The following TMEM63C variants were observed in gnomAD, a reference collection of about 807,000 sequenced individuals.
The protein encoded by TMEM63C is osmosensitive cation channel TMEM63C.
TMEM63C carries 32 observed loss-of-function variants against 99.2 expected under a neutral mutation model. The ratio of observed to expected loss-of-function variants is 0.32; its 90% CI spans 0.24 to 0.43. The LOEUF is 0.43. Ranked by LOEUF, TMEM63C falls within the 20% of genes least tolerant of loss-of-function variation. The pLI, the probability that TMEM63C is intolerant of heterozygous loss-of-function variation, is 1.00. For missense variants in TMEM63C, 826 were observed against 1,053.0 expected (o/e 0.78, Z 2.98); for synonymous variants, 376 against 397.9 (o/e 0.94, Z 0.66).
intron 5 of TMEM63C, among the ~76,000 whole-genome samples, chr14:77,225,006 T>C (rs1435446769): frequency 1.3e-5 from 2 of 152,132 alleles, no homozygotes; most frequent in African/African-American, 4.8e-5. Context: ...TTGGGTAAAG[T>C]TCCCATTGGC....
At position 77,202,855 on chromosome 14, in the gene TMEM63C, ACACACACACACG is replaced by A. The variant is rs1255547750; in HGVS notation, c.-76-10581_-76-10570del. Among the ~76,000 whole-genome samples the A allele has an allele frequency of 1.3e-3, 95 of 73,782 alleles. No homozygotes were observed. In the East Asian group the frequency reaches 0.015, roughly 11 times the overall value. The allele number at this position is 73,782 out of a possible 152,430, so 48.4% of individuals were successfully genotyped here. The stretch of plus-strand genomic sequence containing the variant: ...CACACACACACACACACACACACAC[ACACACACACACG>A]CACACACACCCCTCTACCTGGCACA... On this transcript the variant is annotated intron_variant, in intron 1 of 23. Transcript: ENST00000298351.
At position 77,249,497 on chromosome 14, in the gene TMEM63C, GCCCCACTGTTCTGTGAGTCCCTTAA is replaced by G. The variant is rs745515698; in HGVS notation, c.2038+41_2038+65del. The G allele has an allele frequency of 3.7e-6, 6 of 1,605,832 alleles. No homozygotes were observed. The South Asian group carries it at 5.5e-5, about 15-fold the overall frequency. On this transcript the variant is annotated intron_variant, in intron 21 of 23. Transcript: ENST00000298351. The stretch of plus-strand genomic sequence containing the variant: ...CAGCCTGGAGACCCCACCTCCACCT[GCCCCACTGTTCTGTGAGTCCCTTAA>G]CACTGACCCTGTTAGAGGAGAAAAG...
chr14:77,184,524 T>G (rs1006493832), intron 1 of TMEM63C, among the ~76,000 whole-genome samples: 6 of 152,138 alleles, frequency 3.9e-5, no homozygotes, highest in Non-Finnish European at 5.9e-5. Context: ...GGGAGCTGTT[T>G]GCACAGAGCG....
At chr14:77,219,474 C>T in intron 3 of TMEM63C, 24 bp from the exon 4 acceptor site, 1 of 1,613,366 alleles carries the variant, frequency 6.2e-7, no homozygotes, top group Non-Finnish European at 8.5e-7. Flanking sequence ...TCTCCCACCC[C>T]ACATTGCTTT....
intron 1 of TMEM63C, among the ~76,000 whole-genome samples, chr14:77,186,795 GTGTGTC>G (rs1318775009): frequency 8.2e-5 from 10 of 121,778 alleles, no homozygotes; most frequent in African/African-American, 2.4e-4. Context: ...GTGTGTGTGT[GTGTGTC>G]TGTGTGTGTG....
chr14:77,207,208 G>T (rs1191149105), intron 1 of TMEM63C, among the ~76,000 whole-genome samples: 1 of 152,250 alleles, frequency 6.6e-6, no homozygotes, highest in African/African-American at 2.4e-5. Context: ...ATCTCTGTGG[G>T]GGTCCCAGAG....
chr14:77,186,080 C>T (rs904048985), intron 1 of TMEM63C, among the ~76,000 whole-genome samples: 1 of 151,980 alleles, frequency 6.6e-6, no homozygotes, highest in African/African-American at 2.4e-5. Context: ...GGCACTATCT[C>T]GGCTCACTGC....
At chr14:77,256,263 G>T (rs1889459585) in intron 23 of TMEM63C, among the ~76,000 whole-genome samples, 1 of 152,214 alleles carries the variant, frequency 6.6e-6, no homozygotes, top group African/African-American at 2.4e-5. Context: ...GAGAGTGAAT[G>T]GGACATGTTC....
chr14:77,217,328 T>C (rs1888607651), intron 2 of TMEM63C, among the ~76,000 whole-genome samples: 1 of 152,196 alleles, frequency 6.6e-6, no homozygotes, highest in South Asian at 2.1e-4. Flanking sequence ...CCTCAAGTCC[T>C]TGCTCAGATG....
intron 6 of TMEM63C, among the ~76,000 whole-genome samples, chr14:77,225,799 C>T (rs1192630701): frequency 2.0e-5 from 3 of 152,124 alleles, no homozygotes; most frequent in Admixed American, 1.3e-4. Context: ...TGCTTGATTT[C>T]TGTGAACATC....
At chr14:77,211,005 A>T (rs1888487200) in intron 1 of TMEM63C, among the ~76,000 whole-genome samples, 1 of 152,176 alleles carries the variant, frequency 6.6e-6, no homozygotes, top group Non-Finnish European at 1.5e-5. Flanking sequence ...CTGAGAACTC[A>T]TGGGGATGGT....
intron 1 of TMEM63C, among the ~76,000 whole-genome samples, chr14:77,191,520 C>CCTTTCTT (rs1280709497): frequency 8.4e-6 from 1 of 118,438 alleles, no homozygotes; most frequent in Admixed American, 8.9e-5. Context: ...TCTTTTCTTT[C>CCTTTCTT]TTTTCTTTTT....
Position 77,219,521 on chromosome 14 carries a change from C to T in TMEM63C, c.174C>T (p.Phe58=), listed in dbSNP as rs761923268. 50 of 1,613,866 alleles carry T rather than the reference C, an allele frequency of 3.1e-5. No individual in the cohort carries two copies. The highest frequency in any genetic ancestry group is 4.1e-5 in the Non-Finnish European group (48 of 1,179,900). Residue 58 remains phenylalanine, a synonymous_variant, in exon 4 of 24, where the codon TTC becomes TTT. Coordinates refer to ENST00000298351, the MANE Select transcript of TMEM63C (RefSeq NM_020431.4). The part of the protein sequence containing the change: ...LWVLVLVVYS[F]LRKAAWDYGR... ...AGCTCGTCCTTGTGGTTTACTCCTT[C>T]CTCCGGAAAGCTGCGTGGGACTATG...
Position 77,231,586 on chromosome 14 carries a change from AG to A in TMEM63C, c.352del. On this transcript the variant is annotated splice_acceptor_variant, in intron 6 of 23. Transcript: ENST00000298351. LOFTEE classifies it high-confidence loss of function. ...ACGTCCTTGTCTGTGTGTCTCTTCCAGGGACGAGGATCTGATTAACAAGTGT... is the reference window on the plus strand; with the variant it reads ...ACGTCCTTGTCTGTGTGTCTCTTCCAGGACGAGGATCTGATTAACAAGTGT... 6.4e-7 allele frequency: 1 copy of A among 1,551,478 alleles called. No individual in the cohort carries two copies. Among genetic ancestry groups the A allele is most frequent in the Non-Finnish European group, 8.7e-7 (1 of 1,146,970 alleles).
intron 1 of TMEM63C, among the ~76,000 whole-genome samples, chr14:77,205,700 A>C (rs1359695249): frequency 6.6e-6 from 1 of 152,080 alleles, no homozygotes; most frequent in Non-Finnish European, 1.5e-5. Flanking sequence ...GCTGGAGCTG[A>C]GATTCCTCGT....
intron 1 of TMEM63C, among the ~76,000 whole-genome samples, chr14:77,186,119 C>G (rs1428501353): frequency 6.6e-6 from 1 of 151,966 alleles, no homozygotes; most frequent in Non-Finnish European, 1.5e-5. Flanking sequence ...TCAAGCGATT[C>G]TCCTGCCTCA....
intron 1 of TMEM63C, among the ~76,000 whole-genome samples, chr14:77,200,773 T>TGTAGGAGG (rs1888286200): frequency 2.0e-5 from 3 of 152,338 alleles, no homozygotes; most frequent in Admixed American, 6.5e-5. Context: ...TTCTGCCCTG[T>TGTAGGAGG]CCTCCACATG....
chr14:77,194,467 G>A, intron 1 of TMEM63C, among the ~76,000 whole-genome samples: 1 of 147,852 alleles, frequency 6.8e-6, no homozygotes, highest in African/African-American at 2.5e-5. Context: ...ATCTGAGATG[G>A]CAGGGACATC....
At position 77,256,934 on chromosome 14, in the gene TMEM63C, G is replaced by A; in HGVS notation, c.*208G>A. 6.9e-6 allele frequency: 4 copies of A among 583,258 alleles called. No individual in the cohort carries two copies. The highest frequency in any genetic ancestry group is 1.2e-5 in the Non-Finnish European group (4 of 328,606). The allele number at this position is 583,258 out of a possible 1,614,324, so 36.1% of individuals were successfully genotyped here. A position where few individuals can be genotyped will look rare whatever the true frequency, so the allele number is the denominator to read the frequency against. On this transcript the variant is annotated 3_prime_UTR_variant, in exon 24 of 24. Transcript: ENST00000298351. ...ACTGGGGGTGCTCGGCAGTGCTGAA[G>A]GAGCCTGGGAAGGGATGGGAGGATA... is the stretch of plus-strand genomic sequence containing the variant.
Sources: gnomAD v4.1 joint callset for allele counts (sites outside exome capture counted in the v4.1 genomes callset) on GRCh38, gnomAD v4.1.1 for gene constraint, MANE v1.5 for transcripts, NCBI Gene and HGNC (gene_info 2026-07-23, HGNC 2026-07-21) for gene names.